Variants in GPC5 observed in about 807,000 individuals in gnomAD.
The protein encoded by GPC5 is glypican 5.
Under a neutral mutation model 53.9 loss-of-function variants are expected in GPC5, and 47 were observed. The ratio of observed to expected loss-of-function variants is 0.87; its 90% CI spans 0.69 to 1.11. The LOEUF is 1.11. Ranked by LOEUF, GPC5 falls within the 50% of genes most tolerant of loss-of-function variation. The pLI is 0.00. For synonymous variants in GPC5, 286 were observed against 263.3 expected (o/e 1.09, Z -0.84); for missense variants, 748 against 713.1 (o/e 1.05, Z -0.56).
chr13:91,735,886 A>G (rs1357758107), intron 4 of GPC5, among the ~76,000 whole-genome samples: 2 of 151,322 alleles, frequency 1.3e-5, no homozygotes, highest in African/African-American at 4.9e-5. Flanking sequence ...GAAGCAAACT[A>G]TCCACATCTA....
intron 2 of GPC5, among the ~76,000 whole-genome samples, chr13:91,664,685 G>A (rs777824570): frequency 2.0e-4 from 30 of 152,216 alleles, no homozygotes; most frequent in African/African-American, 2.4e-4. Flanking sequence ...CATGCTCTGC[G>A]TTGAGATTAA....
At chr13:92,411,980 C>T (rs1876064371) in intron 7 of GPC5, among the ~76,000 whole-genome samples, 1 of 152,260 alleles carries the variant, frequency 6.6e-6, no homozygotes, top group East Asian at 1.9e-4. Flanking sequence ...AAATATCTAT[C>T]TCTGTGTAGG....
chr13:92,632,463 C>CATATATATAT (rs34336057), intron 7 of GPC5, among the ~76,000 whole-genome samples: 73 of 120,086 alleles, frequency 6.1e-4, no homozygotes, highest in East Asian at 3.1e-3. Flanking sequence ...AAATATTCCA[C>CATATATATAT]ATATATATAT....
At chr13:92,822,872 G>A (rs1998830) in intron 7 of GPC5, among the ~76,000 whole-genome samples, 6,687 of 152,008 alleles carry the variant, frequency 0.044, 502 homozygotes, top group East Asian at 0.34. Context: ...AGTGGAAACT[G>A]TTCAGCAGAT....
intron 7 of GPC5, among the ~76,000 whole-genome samples, chr13:92,559,757 G>A (rs541700009): frequency 6.6e-6 from 1 of 151,600 alleles, no homozygotes; most frequent in East Asian, 2.0e-4. Flanking sequence ...TCTGTCTTCT[G>A]ATGACCGTGG....
intron 7 of GPC5, among the ~76,000 whole-genome samples, chr13:92,186,540 A>G (rs1394676832): frequency 6.6e-6 from 1 of 152,212 alleles, no homozygotes; most frequent in Non-Finnish European, 1.5e-5. Context: ...GGAATTAAAC[A>G]CAAATGCTTA....
At chr13:92,066,004 A>C (rs2041164548) in intron 6 of GPC5, among the ~76,000 whole-genome samples, 3 of 152,138 alleles carry the variant, frequency 2.0e-5, no homozygotes, top group African/African-American at 7.2e-5. Context: ...GTATGAGCTA[A>C]GGAGATTGTA....
At chr13:92,036,625 C>A (rs756209876) in intron 6 of GPC5, among the ~76,000 whole-genome samples, 2 of 152,132 alleles carry the variant, frequency 1.3e-5, no homozygotes, top group Non-Finnish European at 1.5e-5. Context: ...ATTTAATAAC[C>A]TTTCTACTGA....
chr13:92,019,481 A>G (rs781403847), intron 6 of GPC5, among the ~76,000 whole-genome samples: 5 of 152,066 alleles, frequency 3.3e-5, no homozygotes, highest in African/African-American at 9.7e-5. Flanking sequence ...TTACATGACT[A>G]CAAAATATGA....
chr13:92,726,804 AG>A (rs1430489864), intron 7 of GPC5, among the ~76,000 whole-genome samples: 1 of 151,526 alleles, frequency 6.6e-6, no homozygotes, highest in Non-Finnish European at 1.5e-5. Flanking sequence ...AATATGGCCA[AG>A]GAAAATTGAG....
intron 7 of GPC5, among the ~76,000 whole-genome samples, chr13:92,187,373 C>T (rs1413620371): frequency 6.6e-6 from 1 of 152,140 alleles, no homozygotes; most frequent in Non-Finnish European, 1.5e-5. Flanking sequence ...AGAGTGCTTG[C>T]TTCCCCTTGA....
intron 7 of GPC5, among the ~76,000 whole-genome samples, chr13:92,511,486 A>G (rs1384047441): frequency 1.3e-5 from 2 of 152,094 alleles, no homozygotes; most frequent in African/African-American, 2.4e-5. Flanking sequence ...CTCCTTTGCT[A>G]GGATTTTTGC....
At chr13:92,775,740 C>T (rs1875780158) in intron 7 of GPC5, among the ~76,000 whole-genome samples, 1 of 152,154 alleles carries the variant, frequency 6.6e-6, no homozygotes, top group Admixed American at 6.5e-5. Flanking sequence ...TAGCTCATAT[C>T]TATAAGAGTT....
chr13:92,752,785 C>T (rs1288466238), intron 7 of GPC5, among the ~76,000 whole-genome samples: 1 of 152,126 alleles, frequency 6.6e-6, no homozygotes, highest in Admixed American at 6.5e-5. Context: ...TTCCAACGGG[C>T]TTAAAAAACA....
Position 91,485,026 on chromosome 13 carries a change from A to G in GPC5, c.325+36104A>G, listed in dbSNP as rs116305744. Among the ~76,000 whole-genome samples the G allele has an allele frequency of 4.4e-3, 666 of 152,280 alleles. 4 individuals are homozygous for G. The highest frequency in any genetic ancestry group is 0.015 in the African/African-American group (633 of 41,560). On this transcript the variant is annotated intron_variant, in intron 2 of 7. Transcript: ENST00000377067. ...GAGAGCTTGTTAGAAATGCAGAATAAAAAAAATGCAGAACCCCAGGCCCAG... is the reference window on the plus strand; with the variant it reads ...GAGAGCTTGTTAGAAATGCAGAATAGAAAAAATGCAGAACCCCAGGCCCAG...
At chr13:92,330,569 C>G (rs1397401347) in intron 7 of GPC5, among the ~76,000 whole-genome samples, 2 of 152,000 alleles carry the variant, frequency 1.3e-5, no homozygotes, top group Non-Finnish European at 2.9e-5. Context: ...CCTGACCTGG[C>G]AAGAGTAGAA....
intron 7 of GPC5, among the ~76,000 whole-genome samples, chr13:92,369,109 A>G (rs998540914): frequency 1.3e-5 from 2 of 152,264 alleles, no homozygotes; most frequent in Admixed American, 6.5e-5. Flanking sequence ...AATTAGTAAA[A>G]AAGATATGAC....
chr13:92,128,089 A>C (rs1477751646), intron 6 of GPC5, among the ~76,000 whole-genome samples: 1 of 151,994 alleles, frequency 6.6e-6, no homozygotes, highest in African/African-American at 2.4e-5. Context: ...TTCTTTTAAA[A>C]CCTACTGAAT....
At chr13:92,764,969 A>C (rs1013175108) in intron 7 of GPC5, among the ~76,000 whole-genome samples, 4 of 152,214 alleles carry the variant, frequency 2.6e-5, no homozygotes, top group Admixed American at 2.6e-4. Context: ...CTCAGACCAC[A>C]CACTTTGTGA....
Sources: allele counts gnomAD v4.1 joint callset (sites outside exome capture counted in the v4.1 genomes callset), GRCh38; gene constraint gnomAD v4.1.1; transcripts MANE v1.5; gene names NCBI Gene and HGNC (gene_info 2026-07-23, HGNC 2026-07-21).